The following LIPA variants were observed in gnomAD, a reference collection of about 807,000 sequenced individuals.
The protein encoded by LIPA is lipase A, lysosomal acid type, also known as lysosomal acid lipase/cholesteryl ester hydrolase.
LIPA carries 26 observed loss-of-function variants against 40.6 expected under a neutral mutation model. That is an observed-to-expected ratio of 0.64 (90% CI 0.47 to 0.89). The LOEUF (loss-of-function observed/expected upper bound fraction) is 0.89, where lower values mean the gene tolerates loss of function less well. Ranked by LOEUF, LIPA falls within the 40% of genes least tolerant of loss-of-function variation. LIPA has a pLI of 0.00. For missense variants in LIPA, 455 were observed against 479.6 expected (o/e 0.95, Z 0.48); for synonymous variants, 188 against 168.4 (o/e 1.12, Z -0.90).
intron 1 of LIPA, among the ~76,000 whole-genome samples, chr10:89,413,777 A>AC (rs1347503427): frequency 1.7e-4 from 25 of 149,884 alleles, no homozygotes; most frequent in East Asian, 5.9e-4. Flanking sequence ...AAAAAAAAAA[A>AC]AAAAACCAAA....
intron 8 of LIPA, among the ~76,000 whole-genome samples, chr10:89,216,789 T>C (rs1842633042): frequency 6.6e-6 from 1 of 152,178 alleles, no homozygotes; most frequent in Non-Finnish European, 1.5e-5. Flanking sequence ...CCAAAGATAC[T>C]TGAGGGATGA....
chr10:89,336,372 A>G (rs540556934), intron 1 of LIPA, among the ~76,000 whole-genome samples: 2 of 152,356 alleles, frequency 1.3e-5, no homozygotes, highest in East Asian at 1.9e-4. Context: ...AGCCGGATGT[A>G]GATGGCAACT....
At chr10:89,304,737 T>C (rs902058463) in intron 1 of LIPA, among the ~76,000 whole-genome samples, 3 of 152,214 alleles carry the variant, frequency 2.0e-5, no homozygotes, top group African/African-American at 4.8e-5. Flanking sequence ...ATTTGTCTGT[T>C]CTCTGGGTTT....
chr10:89,392,474 C>G lies in LIPA; in HGVS notation c.61+20317G>C, dbSNP rs747489808. The G allele has an allele frequency of 3.7e-4, 86 of 229,550 alleles. 19 individuals carry two copies. In the Middle Eastern group the frequency reaches 4.7e-3, roughly 12 times the overall value. The allele number at this position is 229,550 out of a possible 1,614,324, so 14.2% of individuals were successfully genotyped here. A position where few individuals can be genotyped will look rare whatever the true frequency, so the allele number is the denominator to read the frequency against. ...TAGAAACAAAGTTTCATTCCCCACC[C>G]CCCCCCGTCAGCAGGAATTCCGCTA... On this transcript the variant is annotated intron_variant, in intron 2 of 8. Coordinates refer to the LIPA transcript ENST00000371837.
At position 89,214,953 on chromosome 10, in the gene LIPA, G is replaced by C; in HGVS notation, c.1075C>G (p.Gln359Glu). The change falls in exon 10 of 10, where the codon CAG becomes GAG. Residue 359 changes from glutamine (Q) to glutamate (E), a missense_variant. Gln to Glu is a conservative substitution (Grantham distance 29, BLOSUM62 2). Transcript: ENST00000336233. Reference sequence around the variant, plus strand: ...TCATGGAACACCAAGTTGGTGATCTGAGTCAGTAAGATATTGACGTCGTAG... The same window carrying C: ...TCATGGAACACCAAGTTGGTGATCTCAGTCAGTAAGATATTGACGTCGTAG... ...DVYDVNILLTQITNLVFHESI... is the reference protein window; with the variant it reads ...DVYDVNILLTEITNLVFHESI... The C allele has an allele frequency of 6.2e-7, 1 of 1,614,082 alleles. No individual in the cohort carries two copies. The highest frequency in any genetic ancestry group is 8.5e-7 in the Non-Finnish European group (1 of 1,179,944).
At chr10:89,247,700 A>C in intron 1 of LIPA, 51 bp from the exon 2 acceptor site, 2 of 1,323,608 alleles carry the variant, frequency 1.5e-6, no homozygotes, top group Non-Finnish European at 1.1e-6. Flanking sequence ...ACTACACAAA[A>C]ATATTCTGGT....
chr10:89,366,565 C>T (rs1844058556), intron 2 of LIPA, among the ~76,000 whole-genome samples: 1 of 152,140 alleles, frequency 6.6e-6, no homozygotes, highest in South Asian at 2.1e-4. Context: ...CCAACAGACA[C>T]ATGAAAAAAT....
At chr10:89,379,983 C>T (rs1353204731) in intron 2 of LIPA, among the ~76,000 whole-genome samples, 1 of 150,344 alleles carries the variant, frequency 6.7e-6, no homozygotes, top group Non-Finnish European at 1.5e-5. Context: ...TGAAGTGAGC[C>T]GAGATTGCAC....
chr10:89,345,515 C>A (rs10159516), upstream of LIPA, among the ~76,000 whole-genome samples: 1 of 148,724 alleles, frequency 6.7e-6, no homozygotes, highest in Admixed American at 6.8e-5. Flanking sequence ...GGTGACAGGT[C>A]GAGACTCCAT....
At chr10:89,243,592 TA>T (rs5786865) in intron 3 of LIPA, among the ~76,000 whole-genome samples, 68,077 of 147,562 alleles carry the variant, frequency 0.46, 15,628 homozygotes, top group South Asian at 0.68. Context: ...CCACAGAGGT[TA>T]AAAAAAAAAA....
intron 2 of LIPA, among the ~76,000 whole-genome samples, chr10:89,398,555 G>C (rs964754993): frequency 6.6e-6 from 1 of 152,132 alleles, no homozygotes; most frequent in African/African-American, 2.4e-5. Context: ...CCTAGTCCCT[G>C]TTAATCACTA....
chr10:89,409,137 A>G (rs889963568), intron 2 of LIPA, among the ~76,000 whole-genome samples: 4 of 152,186 alleles, frequency 2.6e-5, no homozygotes, highest in Non-Finnish European at 5.9e-5. Flanking sequence ...ATTCTAAAAT[A>G]TAAGTTTATT....
chr10:89,401,219 C>T (rs1342299959), intron 2 of LIPA, among the ~76,000 whole-genome samples: 1 of 151,742 alleles, frequency 6.6e-6, no homozygotes, highest in Non-Finnish European at 1.5e-5. Flanking sequence ...CAGACTCAAG[C>T]GATTCTCCTG....
At chr10:89,411,748 A>G (rs1472373344) in intron 2 of LIPA, among the ~76,000 whole-genome samples, 1 of 152,192 alleles carries the variant, frequency 6.6e-6, no homozygotes, top group African/African-American at 2.4e-5. Context: ...TTAGGGGAAG[A>G]GTGTTGTTTT....
intron 1 of LIPA, among the ~76,000 whole-genome samples, chr10:89,261,429 C>T (rs946427234): frequency 2.6e-5 from 4 of 152,208 alleles, no homozygotes; most frequent in South Asian, 2.1e-4. Flanking sequence ...CGCTTGAACC[C>T]GGGAGGAGGA....
intron 1 of LIPA, among the ~76,000 whole-genome samples, chr10:89,270,313 T>G (rs1164786310): frequency 5.9e-5 from 9 of 152,206 alleles, no homozygotes; most frequent in African/African-American, 2.2e-4. Flanking sequence ...CTGCCAAAAC[T>G]TATCACTTCT....
chr10:89,403,163 G>T (rs764565405), intron 2 of LIPA: 1 of 1,613,886 alleles, frequency 6.2e-7, no homozygotes, highest in Non-Finnish European at 8.5e-7. Context: ...TTTGCTACAA[G>T]GCACAAATGA....
chr10:89,298,248 A>G (rs1270202080), intron 1 of LIPA, among the ~76,000 whole-genome samples: 1 of 152,216 alleles, frequency 6.6e-6, no homozygotes, highest in Non-Finnish European at 1.5e-5. Flanking sequence ...CACCAGTGCC[A>G]GTGTATGTTG....
At chr10:89,227,631 G>C (rs1842786809) in intron 4 of LIPA, among the ~76,000 whole-genome samples, 1 of 152,190 alleles carries the variant, frequency 6.6e-6, no homozygotes. Flanking sequence ...TGTTGCCACT[G>C]GCAGGAGAAG....
Sources: gnomAD v4.1 joint callset for allele counts (sites outside exome capture counted in the v4.1 genomes callset) on GRCh38, gnomAD v4.1.1 for gene constraint, MANE v1.5 for transcripts, NCBI Gene and HGNC (gene_info 2026-07-23, HGNC 2026-07-21) for gene names.